Variants in TNN observed in about 807,000 individuals in gnomAD.
TNN encodes tenascin N.
TNN carries 122 observed loss-of-function variants against 134.4 expected under a neutral mutation model. The observed-to-expected ratio is 0.91, with a 90% CI of 0.78 to 1.06. The LOEUF (loss-of-function observed/expected upper bound fraction) is 1.06, where lower values mean the gene tolerates loss of function less well. Among genes scored for constraint, TNN ranks in the 50% least tolerant of loss-of-function variants. TNN has a pLI of 0.00. For synonymous variants in TNN, 710 were observed against 670.3 expected, an observed-to-expected ratio of 1.06 and a Z score of -0.91; for missense variants, 1,739 against 1,699.4, an observed-to-expected ratio of 1.02 and a Z score of -0.41.
intron 9 of TNN, among the ~76,000 whole-genome samples, chr1:175,112,343 T>C (rs1675048965): frequency 1.3e-5 from 2 of 152,196 alleles, no homozygotes; most frequent in Admixed American, 1.3e-4. Flanking sequence ...ATCTCACTTG[T>C]ATCCTCTTGC....
rs1476173602 is a variant in TNN at position 175,079,471 on chromosome 1, A to T, written c.548A>T (p.Asp183Val). 6.4e-7 allele frequency: 1 copy of T among 1,563,536 alleles called. No individual in the cohort carries two copies. The highest frequency in any genetic ancestry group is 1.9e-5 in the Admixed American group (1 of 53,310). Residue 183 changes from aspartate (D) to valine (V), a missense_variant, in exon 3 of 19, where the codon GAC (aspartate) becomes GTC (valine). Coordinates refer to ENST00000239462, the MANE Select transcript of TNN (RefSeq NM_022093.2). ...TGCAGCGGCCACGGGCGTTGCGTGG[A>T]CGGGCGCTGCCTGTGCCATGAGCCC... The part of the protein sequence containing the change: ...GACSGHGRCV[D>V]GRCLCHEPYV...
chr1:175,087,462 T>G (rs1204341965), intron 6 of TNN, among the ~76,000 whole-genome samples: 1 of 152,244 alleles, frequency 6.6e-6, no homozygotes. Context: ...ATAACTCAGC[T>G]TTCAGCTTTA....
chr1:175,078,742 G>A (rs1259793610), intron 2 of TNN, among the ~76,000 whole-genome samples: 2 of 152,224 alleles, frequency 1.3e-5, no homozygotes, highest in African/African-American at 2.4e-5. Flanking sequence ...GCCTCTTGCT[G>A]TGTAGGGTCA....
chr1:175,098,652 G>A, intron 9 of TNN, 57 bp downstream of exon 9: 2 of 1,606,328 alleles, frequency 1.2e-6, no homozygotes, highest in Non-Finnish European at 1.7e-6. Flanking sequence ...GTCTACATGG[G>A]GTTTTCTTCT....
At chr1:175,116,529 T>C (rs917714703) in intron 9 of TNN, among the ~76,000 whole-genome samples, 4 of 152,234 alleles carry the variant, frequency 2.6e-5, no homozygotes, top group Admixed American at 1.3e-4. Context: ...TGAATGAACC[T>C]TAAAAGTTTA....
chr1:175,143,545 G>C (rs980392626), intron 17 of TNN, among the ~76,000 whole-genome samples: 1 of 150,106 alleles, frequency 6.7e-6, no homozygotes, highest in Admixed American at 6.6e-5. Context: ...GTGTTAGGAG[G>C]GTGCATGGGA....
intron 12 of TNN, among the ~76,000 whole-genome samples, chr1:175,125,747 TTCTTTCTTTCTC>T (rs1675505439): frequency 3.0e-5 from 3 of 100,472 alleles, no homozygotes; most frequent in African/African-American, 4.6e-5. Context: ...CTTTCTTTCT[TTCTTTCTTTCTC>T]TCTCTCTCCC....
chr1:175,134,939 G>A (rs965411424), intron 15 of TNN, among the ~76,000 whole-genome samples: 14 of 152,082 alleles, frequency 9.2e-5, no homozygotes, highest in South Asian at 2.1e-4. Flanking sequence ...AATTTCCAGC[G>A]CTCTTACCTG....
chr1:175,097,281 C>T, intron 7 of TNN, 136 bp from the exon 8 acceptor site: 1 of 1,159,088 alleles, frequency 8.6e-7, no homozygotes, highest in Non-Finnish European at 1.2e-6. Flanking sequence ...TTAATTAGAC[C>T]TTTACATTAA....
chr1:175,108,515 T>G (rs1236836783), intron 9 of TNN, among the ~76,000 whole-genome samples: 1 of 152,172 alleles, frequency 6.6e-6, no homozygotes, highest in Non-Finnish European at 1.5e-5. Flanking sequence ...GGGGATGGTA[T>G]TCGTTGGGGA....
chr1:175,123,464 G>A lies in TNN; in HGVS notation c.2715G>A (p.Trp905Ter), dbSNP rs1339395949. The change falls in exon 12 of 19, where the codon TGG (tryptophan) becomes TGA (stop). Residue 905 changes from tryptophan to a stop codon, truncating the protein, a stop_gained. Transcript: ENST00000239462. LOFTEE classifies it high-confidence loss of function. ...WVTENMATVS[W>*]DPVQATIDKY... is the part of the protein sequence containing the mutation. ...CGGAGAATATGGCCACTGTCTCCTG[G>A]GACCCGGTTCAGGCCACCATTGACA... The A allele has an allele frequency of 3.1e-6, 5 of 1,614,082 alleles. No individual in the cohort carries two copies. Among genetic ancestry groups the A allele is most frequent in the African/African-American group, 1.3e-5 (1 of 74,916 alleles).
intron 9 of TNN, among the ~76,000 whole-genome samples, chr1:175,115,608 G>A (rs1196269795): frequency 6.6e-6 from 1 of 152,118 alleles, no homozygotes; most frequent in African/African-American, 2.4e-5. Context: ...CCTTAGGGAT[G>A]AAGGGGTGAA....
intron 11 of TNN, among the ~76,000 whole-genome samples, chr1:175,120,386 T>C (rs1675319286): frequency 6.6e-6 from 1 of 152,190 alleles, no homozygotes; most frequent in South Asian, 2.1e-4. Context: ...TGAGTAGTAA[T>C]AGGATATACA....
In TNN at chr1:175,123,616, A is replaced by G. The variant is rs1675437195; in HGVS notation, c.2867A>G (p.Gln956Arg). Reference sequence around the variant, plus strand: ...GAGTACATGGTGCACGTGTGGGCCCAGAAGGGGGCCCAGGAGAGCAAGAAG... The same window carrying G: ...GAGTACATGGTGCACGTGTGGGCCCGGAAGGGGGCCCAGGAGAGCAAGAAG... ...GMEYMVHVWA[Q>R]KGAQESKKAD... The change falls in exon 12 of 19, where the codon CAG (glutamine) becomes CGG (arginine). Residue 956 changes from glutamine (Q) to arginine (R), a missense_variant. Transcript: ENST00000239462. 1 of 1,614,192 alleles carries G rather than the reference A, an allele frequency of 6.2e-7. No homozygotes were observed. The highest frequency in any genetic ancestry group is 1.1e-5 in the South Asian group (1 of 91,084).
chr1:175,136,851 G>A lies in TNN; in HGVS notation c.3458G>A (p.Gly1153Asp), dbSNP rs1422749087. 3 of 1,613,700 alleles carry A rather than the reference G, an allele frequency of 1.9e-6. No homozygotes were observed. Among genetic ancestry groups the A allele is most frequent in the African/African-American group, 1.3e-5 (1 of 74,888 alleles). ...GACAAGCTACACAACCTCACCACCG[G>A]CACTCCAGCGCGGTATGAGGTGAGA... Reference protein sequence around the residue: ...GLDKLHNLTTGTPARYEVRVD... With the variant: ...GLDKLHNLTTDTPARYEVRVD... Residue 1153 changes from glycine to aspartate, a missense_variant, in exon 17 of 19, where the codon GGC becomes GAC. Transcript: ENST00000239462.
At chr1:175,144,791 T>C (rs979911122) in intron 18 of TNN, among the ~76,000 whole-genome samples, 1 of 152,260 alleles carries the variant, frequency 6.6e-6, no homozygotes, top group Non-Finnish European at 1.5e-5. Context: ...CGGGAAAAGC[T>C]TGGGCTGCCC....
At chr1:175,114,111 G>A (rs1411684718) in intron 9 of TNN, among the ~76,000 whole-genome samples, 2 of 152,290 alleles carry the variant, frequency 1.3e-5, no homozygotes, top group South Asian at 4.1e-4. Context: ...GTGGTGTCAT[G>A]TTTTCTTGCT....
intron 15 of TNN, among the ~76,000 whole-genome samples, chr1:175,129,392 A>C (rs1270165955): frequency 2.6e-5 from 4 of 151,998 alleles, no homozygotes; most frequent in African/African-American, 9.7e-5. Context: ...TCATTGTCTT[A>C]GCACTCACTC....
intron 2 of TNN, among the ~76,000 whole-genome samples, chr1:175,078,076 G>T (rs1674096440): frequency 6.6e-6 from 1 of 152,184 alleles, no homozygotes; most frequent in African/African-American, 2.4e-5. Flanking sequence ...CTGGCCTATT[G>T]CTTCCAGATG....
Sources: gnomAD v4.1 joint callset for allele counts (sites outside exome capture counted in the v4.1 genomes callset) on GRCh38, gnomAD v4.1.1 for gene constraint, MANE v1.5 for transcripts, NCBI Gene and HGNC (gene_info 2026-07-23, HGNC 2026-07-21) for gene names.